Variants in VDAC1 observed in about 807,000 individuals in gnomAD.
VDAC1 encodes the protein voltage dependent anion channel 1.
A neutral mutation model predicts 34.7 loss-of-function variants in VDAC1; 10 were observed. The ratio of observed to expected loss-of-function variants is 0.29; its 90% CI spans 0.18 to 0.49. The LOEUF (loss-of-function observed/expected upper bound fraction) is 0.49, where lower values mean the gene tolerates loss of function less well. Among genes scored for constraint, VDAC1 ranks in the 20% least tolerant of loss-of-function variants. VDAC1 has a pLI of 0.99. For missense variants in VDAC1, 230 were observed against 347.9 expected, an observed-to-expected ratio of 0.66 and a Z score of 2.69; for synonymous variants, 130 against 136.0, an observed-to-expected ratio of 0.96 and a Z score of 0.30.
chr5:134,067,623 GA>G, the VDAC1 span, among the ~76,000 whole-genome samples: 1 of 130,570 alleles, frequency 7.7e-6, no homozygotes, highest in Non-Finnish European at 1.6e-5. Flanking sequence ...AAAAAAAGAA[GA>G]AGGAGGAGGA....
the VDAC1 span, among the ~76,000 whole-genome samples, chr5:134,053,512 A>C: frequency 2.0e-4 from 30 of 152,324 alleles, no homozygotes; most frequent in African/African-American, 7.2e-4. Context: ...AGGAGGAAGC[A>C]CTGAGCGCAG....
At position 133,986,399 on chromosome 5, in the gene VDAC1, G is replaced by GT. The variant is rs756305048; in HGVS notation, c.323+4455dup. Among the ~76,000 whole-genome samples the GT allele has an allele frequency of 5.7e-4, 87 of 151,676 alleles. 1 individual carries two copies. The Middle Eastern group carries it at 0.017, about 30-fold the overall frequency. On this transcript the variant is annotated intron_variant, in intron 5 of 8. Coordinates refer to ENST00000265333, the MANE Select transcript of VDAC1 (RefSeq NM_003374.3). ...TGTACATCTAGCACCCAGAATTTTA[G>GT]TTTTGTTTTTTTTTTGAGATGGAGT...
chr5:134,056,618 TG>T, the VDAC1 span, among the ~76,000 whole-genome samples: 1 of 152,138 alleles, frequency 6.6e-6, no homozygotes, highest in Non-Finnish European at 1.5e-5. Context: ...TGAACATTCT[TG>T]AACATAACTT....
At chr5:134,013,567 C>T in the VDAC1 span, among the ~76,000 whole-genome samples, 28 of 152,254 alleles carry the variant, frequency 1.8e-4, no homozygotes, top group South Asian at 4.4e-3. Flanking sequence ...TTACAAACTA[C>T]GCATCTAACA....
Position 133,991,022 on chromosome 5 carries a change from C to T in VDAC1, c.250G>A (p.Glu84Lys), listed in dbSNP as rs778692664. 1 of 1,614,156 alleles carries T rather than the reference C, an allele frequency of 6.2e-7. No individual in the cohort carries two copies. The highest frequency in any genetic ancestry group is 8.5e-7 in the Non-Finnish European group (1 of 1,180,004). Residue 84 changes from glutamate to lysine, a missense_variant, in exon 4 of 9, where the codon GAG becomes AAG. Glu to Lys is a moderately conservative substitution (Grantham distance 56, BLOSUM62 1). Transcript: ENST00000265333. ...ATTACCTGATCTTCCACAGTAATCT[C>T]GGTGCCTAGTGTATTGTCGGTATTC... is the stretch of plus-strand genomic sequence containing the variant. ...KWNTDNTLGT[E>K]ITVEDQLARG...
the VDAC1 span, among the ~76,000 whole-genome samples, chr5:134,063,330 T>TAAC: frequency 3.3e-5 from 5 of 152,086 alleles, no homozygotes; most frequent in African/African-American, 1.2e-4. Context: ...TTAGGGAGGG[T>TAAC]TGATTTATAT....
At chr5:134,068,117 C>CA in the VDAC1 span, among the ~76,000 whole-genome samples, 48 of 150,074 alleles carry the variant, frequency 3.2e-4, no homozygotes, top group Middle Eastern at 6.9e-3. Flanking sequence ...GACTACATCT[C>CA]AAAAAAAAAT....
At chr5:134,014,221 T>C in the VDAC1 span, among the ~76,000 whole-genome samples, 3 of 146,976 alleles carry the variant, frequency 2.0e-5, no homozygotes, top group East Asian at 6.2e-4. Flanking sequence ...TCCGGGGCGG[T>C]GGAGGTTGCA....
chr5:134,066,927 C>CAT, the VDAC1 span, among the ~76,000 whole-genome samples: 10 of 152,260 alleles, frequency 6.6e-5, no homozygotes, highest in East Asian at 1.7e-3. Context: ...AAAAAATATC[C>CAT]ATTCCCCTGC....
rs1177529842 is a variant in VDAC1 at position 133,980,864 on chromosome 5, C to G, written c.416G>C (p.Arg139Pro). Residue 139 changes from arginine to proline, a missense_variant, in exon 6 of 9, where the codon CGG becomes CCG. Arg to Pro is a moderately radical substitution (Grantham distance 103, BLOSUM62 -2). Transcript: ENST00000265333. ...MDFDIAGPSI[R>P]GALVLGYEGW... ...CTCGTAACCTAGCACCAGAGCACCC[C>G]GGATGGAAGGCCCAGCAATGTCGAA... 1 of 1,613,890 alleles carries G rather than the reference C, an allele frequency of 6.2e-7. No individual in the cohort carries two copies. Among genetic ancestry groups the G allele is most frequent in the Non-Finnish European group, 8.5e-7 (1 of 1,179,956 alleles).
At chr5:133,981,000 T>C in intron 5 of VDAC1, 44 bp from the exon 6 acceptor site, 1 of 1,516,386 alleles carries the variant, frequency 6.6e-7, no homozygotes, top group Non-Finnish European at 9.0e-7. Context: ...CTAACTCACC[T>C]TGAAATGCAA....
At chr5:134,032,124 C>CAAAAAAAAAAAAAAAAAAAAAAA in the VDAC1 span, among the ~76,000 whole-genome samples, 18 of 36,130 alleles carry the variant, frequency 5.0e-4, 1 homozygote, top group African/African-American at 1.3e-3. Context: ...CTCTGCCTCA[C>CAAAAAAAAAAAAAAAAAAAAAAA]AAAAAAAAAA....
chr5:134,091,588 T>C, the VDAC1 span, among the ~76,000 whole-genome samples: 2 of 151,990 alleles, frequency 1.3e-5, no homozygotes, highest in Non-Finnish European at 2.9e-5. Flanking sequence ...TTGGCAGAAA[T>C]AGAAGTATGG....
At chr5:134,001,723 A>G (rs1350100167) in intron 1 of VDAC1, among the ~76,000 whole-genome samples, 1 of 151,074 alleles carries the variant, frequency 6.6e-6, no homozygotes, top group Non-Finnish European at 1.5e-5. Context: ...TCTAAAAAAA[A>G]AAAAAAAAAA....
In VDAC1 at chr5:133,972,647, C is replaced by T. The variant is rs549225467; in HGVS notation, c.*124G>A. On this transcript the variant is annotated 3_prime_UTR_variant, in exon 9 of 9. Coordinates refer to ENST00000265333, the MANE Select transcript of VDAC1 (RefSeq NM_003374.3). ...CATCTTAAAGCTGAATCAACTTTAA[C>T]CTGGAGGGCTAACATATTTAGCAAT... 4.5e-5 allele frequency: 36 copies of T among 792,846 alleles called. No homozygotes were observed. Among genetic ancestry groups the T allele is most frequent in the Non-Finnish European group, 6.4e-5 (32 of 499,714 alleles). 49.1% of individuals were successfully genotyped at this position (792,846 alleles called of 1,614,324 possible). A position where few individuals can be genotyped will look rare whatever the true frequency, so the allele number is the denominator to read the frequency against.
the VDAC1 span, among the ~76,000 whole-genome samples, chr5:134,041,508 A>AGGACCAGCTGCTCAGGGAGCCCT: frequency 1.3e-5 from 2 of 152,206 alleles, no homozygotes; most frequent in Non-Finnish European, 2.9e-5. Flanking sequence ...CAATGGTCCC[A>AGGACCAGCTGCTCAGGGAGCCCT]GGACCAGCTG....
the VDAC1 span, among the ~76,000 whole-genome samples, chr5:134,032,144 A>AAAAAAAAAAAAAAAAAAAAAAAAAAAAT: frequency 6.8e-6 from 1 of 146,230 alleles, no homozygotes; most frequent in African/African-American, 2.5e-5. Context: ...AAAAAAAAAA[A>AAAAAAAAAAAAAAAAAAAAAAAAAAAAT]GCTACTCTGC....
chr5:133,982,018 G>C (rs1199330266), intron 5 of VDAC1, among the ~76,000 whole-genome samples: 1 of 152,148 alleles, frequency 6.6e-6, no homozygotes, highest in African/African-American at 2.4e-5. Flanking sequence ...GCCAACTACA[G>C]ATCTTAGGCA....
the VDAC1 span, among the ~76,000 whole-genome samples, chr5:134,113,415 A>G: frequency 1.3e-5 from 2 of 152,244 alleles, no homozygotes; most frequent in Non-Finnish European, 2.9e-5. Context: ...ATCCACAGCC[A>G]GCCACGCTGG....
Sources: allele counts gnomAD v4.1 joint callset (sites outside exome capture counted in the v4.1 genomes callset), GRCh38; gene constraint gnomAD v4.1.1; transcripts MANE v1.5; gene names NCBI Gene and HGNC (gene_info 2026-07-23, HGNC 2026-07-21).